The following DDX31 variants were observed in gnomAD, a reference collection of about 807,000 sequenced individuals.
The protein encoded by DDX31 is ATP-dependent DNA helicase DDX31.
In DDX31, 70 loss-of-function variants were observed where a neutral mutation model predicts 91.3. The observed-to-expected ratio is 0.77, with a 90% CI of 0.63 to 0.94. DDX31 has a LOEUF of 0.94. Ranked by LOEUF, DDX31 falls within the 40% of genes least tolerant of loss-of-function variation. The pLI is 0.00. For synonymous variants in DDX31, 362 were observed against 350.6 expected (o/e 1.03, Z -0.36); for missense variants, 902 against 925.0 (o/e 0.98, Z 0.32).
chr9:132,614,399 G>A (rs140367197), intron 18 of DDX31, among the ~76,000 whole-genome samples: 13 of 151,858 alleles, frequency 8.6e-5, no homozygotes, highest in African/African-American at 2.9e-4. Flanking sequence ...GAGCCCCACA[G>A]CCAAGCCCTC....
intron 16 of DDX31, among the ~76,000 whole-genome samples, chr9:132,629,984 T>C (rs1456104671): frequency 2.0e-5 from 3 of 152,244 alleles, no homozygotes; most frequent in African/African-American, 4.8e-5. Flanking sequence ...GCGAAGATGG[T>C]GCACACTTAT....
chr9:132,638,273 G>A lies in DDX31; in HGVS notation c.1440+3731C>T, dbSNP rs78676585. 2.0e-3 allele frequency: 3,272 copies of A among 1,604,962 alleles called. 75 individuals are homozygous for A. The African/African-American group carries it at 0.037, about 18-fold the overall frequency. ...AGGTGGCTTAGAAACTCCATTTTCC[G>A]GCCATTCGGTGGTACTTCTTATCAA... is the stretch of plus-strand genomic sequence containing the variant. On this transcript the variant is annotated intron_variant, in intron 14 of 19. Coordinates refer to ENST00000372159, the MANE Select transcript of DDX31 (RefSeq NM_022779.9).
chr9:132,626,014 G>A (rs1832368848), intron 16 of DDX31, among the ~76,000 whole-genome samples: 1 of 151,942 alleles, frequency 6.6e-6, no homozygotes, highest in African/African-American at 2.4e-5. Context: ...TAGAGATTAT[G>A]TCATTATTTC....
At chr9:132,669,530 A>C in intron 1 of DDX31, 1 of 1,393,128 alleles carries the variant, frequency 7.2e-7, no homozygotes, top group Non-Finnish European at 9.5e-7. Flanking sequence ...AGAGAAGTTA[A>C]GCTTTGGCCT....
intron 18 of DDX31, among the ~76,000 whole-genome samples, chr9:132,615,460 A>G (rs1447985696): frequency 6.6e-6 from 1 of 152,170 alleles, no homozygotes; most frequent in African/African-American, 2.4e-5. Flanking sequence ...GAGGAAAAGG[A>G]GGTTCCCTGC....
At chr9:132,611,545 G>C (rs149445532) in intron 19 of DDX31, among the ~76,000 whole-genome samples, 18 of 152,268 alleles carry the variant, frequency 1.2e-4, no homozygotes, top group Admixed American at 7.8e-4. Context: ...AGGACCTCTG[G>C]ACAAGTCCTG....
At chr9:132,657,320 C>T (rs1834629947) in intron 6 of DDX31, among the ~76,000 whole-genome samples, 1 of 152,190 alleles carries the variant, frequency 6.6e-6, no homozygotes, top group Admixed American at 6.5e-5. Context: ...GGAATTTCCA[C>T]ACACCCTTCT....
chr9:132,656,700 C>T (rs1251139691), intron 6 of DDX31, among the ~76,000 whole-genome samples: 1 of 152,178 alleles, frequency 6.6e-6, no homozygotes, highest in Non-Finnish European at 1.5e-5. Flanking sequence ...CTCTCTCATC[C>T]TCCAGTCATG....
intron 15 of DDX31, 83 bp downstream of exon 15, chr9:132,631,958 A>T: frequency 8.0e-7 from 1 of 1,243,084 alleles, no homozygotes; most frequent in Admixed American, 2.1e-5. Context: ...GGATAATAAT[A>T]ATTATTCTAC....
intron 14 of DDX31, chr9:132,637,869 G>A (rs982860378): frequency 1.0e-4 from 100 of 987,044 alleles, no homozygotes; most frequent in Admixed American, 1.8e-4. Flanking sequence ...AGAAAAGCAC[G>A]AAAGTCTACA....
At chr9:132,619,860 G>C (rs534507771) in intron 17 of DDX31, among the ~76,000 whole-genome samples, 1 of 149,640 alleles carries the variant, frequency 6.7e-6, no homozygotes, top group Middle Eastern at 3.5e-3. Context: ...CCTCAGCAGC[G>C]CAACTGTCAC....
At chr9:132,601,506 T>C (rs1054100510) in intron 19 of DDX31, among the ~76,000 whole-genome samples, 4 of 152,196 alleles carry the variant, frequency 2.6e-5, no homozygotes, top group Admixed American at 2.0e-4. Flanking sequence ...CCATCCATCA[T>C]GGGGGCCAGT....
rs1237195130 is a variant in DDX31 at position 132,652,656 on chromosome 9, C to A, written c.589-164G>T. Among the ~76,000 whole-genome samples the A allele has an allele frequency of 2.6e-5, 4 of 152,120 alleles. 1 individual carries two copies. The East Asian group carries it at 7.7e-4, about 29-fold the overall frequency. On this transcript the variant is annotated intron_variant, in intron 6 of 19. Coordinates refer to ENST00000372159, the MANE Select transcript of DDX31 (RefSeq NM_022779.9). ...GATGTGGTCTGGCTGTGCCCCCACC[C>A]AAATTTCGACTTGCATTGTATCTCC...
Position 132,618,434 on chromosome 9 carries a change from T to A in DDX31, c.1721A>T (p.His574Leu). 6.2e-7 allele frequency: 1 copy of A among 1,609,842 alleles called. No homozygotes were observed. The highest frequency in any genetic ancestry group is 2.2e-5 in the East Asian group (1 of 44,680). ...TCGGATTTCCTGGGGGCCAACAGCA[T>A]GGGATTTCTGAGAGGGCGACGGAAG... ...KGKRWGAQKS[H>L]AVGPQEIRER... Residue 574 changes from histidine (H) to leucine (L), a missense_variant, in exon 18 of 20, where the codon CAT becomes CTT. Physicochemically the swap from His to Leu is moderately conservative, Grantham distance 99. Transcript: ENST00000372159.
chr9:132,659,426 T>C (rs557284311), intron 5 of DDX31, among the ~76,000 whole-genome samples: 2 of 152,360 alleles, frequency 1.3e-5, no homozygotes, highest in African/African-American at 4.8e-5. Flanking sequence ...AGAGTGAGAA[T>C]GGGCAACTGT....
intron 6 of DDX31, among the ~76,000 whole-genome samples, chr9:132,656,454 G>A (rs1418652864): frequency 6.6e-6 from 1 of 152,148 alleles, no homozygotes; most frequent in Non-Finnish European, 1.5e-5. Flanking sequence ...CCACGTTGCT[G>A]ACGATGGCTA....
intron 13 of DDX31, among the ~76,000 whole-genome samples, chr9:132,643,775 C>T (rs1490678031): frequency 1.3e-5 from 2 of 152,134 alleles, no homozygotes; most frequent in African/African-American, 4.8e-5. Context: ...AGGACAGATC[C>T]ATTTGTCCAG....
At chr9:132,664,917 C>T (rs1835214604) in intron 1 of DDX31, among the ~76,000 whole-genome samples, 1 of 152,070 alleles carries the variant, frequency 6.6e-6, no homozygotes, top group African/African-American at 2.4e-5. Context: ...GCTGGCCACC[C>T]TGTACTCATC....
chr9:132,645,548 C>T (rs1276198652), intron 13 of DDX31, among the ~76,000 whole-genome samples: 1 of 152,148 alleles, frequency 6.6e-6, no homozygotes. Context: ...AGGCAAAACC[C>T]TTCCCTGGTG....
Sources: gnomAD v4.1 joint callset for allele counts (sites outside exome capture counted in the v4.1 genomes callset) on GRCh38, gnomAD v4.1.1 for gene constraint, MANE v1.5 for transcripts, NCBI Gene and HGNC (gene_info 2026-07-23, HGNC 2026-07-21) for gene names.